CSMD2: variants seen among roughly 807,000 people sequenced by gnomAD.
CSMD2 encodes the protein CUB and sushi domain-containing protein 2.
A neutral mutation model predicts 398.5 loss-of-function variants in CSMD2; 130 were observed. The observed-to-expected ratio is 0.33, with a 90% CI of 0.28 to 0.38. The LOEUF (loss-of-function observed/expected upper bound fraction) is 0.38. Ranked by LOEUF, CSMD2 falls within the 10% of genes least tolerant of loss-of-function variation. CSMD2 has a pLI of 1.00. For missense variants in CSMD2, 3,829 were observed against 4,764.9 expected, an observed-to-expected ratio of 0.80 and a Z score of 5.78; for synonymous variants, 1,828 against 1,908.5, an observed-to-expected ratio of 0.96 and a Z score of 1.10.
chr1:33,517,463 T>C (rs1002417599), intron 70 of CSMD2, among the ~76,000 whole-genome samples: 3 of 152,240 alleles, frequency 2.0e-5, no homozygotes, highest in African/African-American at 7.2e-5. Flanking sequence ...GTTTCTTTCT[T>C]ACACTGTTCA....
At chr1:33,767,621 A>G (rs1650680264) in intron 13 of CSMD2, among the ~76,000 whole-genome samples, 1 of 152,256 alleles carries the variant, frequency 6.6e-6, no homozygotes, top group African/African-American at 2.4e-5. Context: ...CAAGATGGAT[A>G]AATAAATGAA....
chr1:33,747,064 A>G (rs1379152643), intron 13 of CSMD2, among the ~76,000 whole-genome samples: 1 of 152,232 alleles, frequency 6.6e-6, no homozygotes, highest in Non-Finnish European at 1.5e-5. Flanking sequence ...CTGCTCTTAA[A>G]TATCAAAGGC....
At chr1:33,660,466 G>A (rs1644095616) in intron 26 of CSMD2, among the ~76,000 whole-genome samples, 1 of 152,200 alleles carries the variant, frequency 6.6e-6, no homozygotes, top group African/African-American at 2.4e-5. Context: ...ATAAAGCCAA[G>A]CCTGCACTAA....
chr1:33,707,997 A>T (rs1001910312), intron 22 of CSMD2, among the ~76,000 whole-genome samples: 6 of 152,232 alleles, frequency 3.9e-5, no homozygotes, highest in African/African-American at 1.4e-4. Context: ...GAAAATGAAC[A>T]TGCTTTGTAT....
chr1:33,910,403 T>C (rs541370535), intron 5 of CSMD2, among the ~76,000 whole-genome samples: 1 of 152,306 alleles, frequency 6.6e-6, no homozygotes, highest in East Asian at 1.9e-4. Flanking sequence ...AACTCAAAAA[T>C]CATCCTGTGG....
intron 13 of CSMD2, 55 bp downstream of exon 13, chr1:33,772,490 GGGGCCCCTGGATTAGCTAGGAAAC>G: frequency 7.2e-7 from 1 of 1,385,476 alleles, no homozygotes; most frequent in Non-Finnish European, 1.0e-6. Flanking sequence ...TCCCAGGGAC[GGGGCCCCTGGATTAGCTAGGAAAC>G]GGGCCCCTGC....
intron 5 of CSMD2, chr1:33,870,468 C>T (rs1570344628): frequency 6.6e-6 from 1 of 152,186 alleles, no homozygotes; most frequent in African/African-American, 2.4e-5. Context: ...ACACAATGAA[C>T]ATTTCATTAT....
intron 25 of CSMD2, among the ~76,000 whole-genome samples, chr1:33,684,773 G>A (rs1401152982): frequency 6.6e-6 from 1 of 152,192 alleles, no homozygotes; most frequent in Non-Finnish European, 1.5e-5. Context: ...AGTGCAGCTG[G>A]AAAGGTGCTT....
intron 1 of CSMD2, among the ~76,000 whole-genome samples, chr1:34,158,850 TC>T (rs773388835): frequency 6.6e-6 from 1 of 152,208 alleles, no homozygotes; most frequent in Non-Finnish European, 1.5e-5. Context: ...CTCAGTATCT[TC>T]AAATACAATA....
At chr1:34,155,006 G>A (rs969533344) in intron 1 of CSMD2, among the ~76,000 whole-genome samples, 35 of 152,200 alleles carry the variant, frequency 2.3e-4, no homozygotes, top group Non-Finnish European at 4.7e-4. Flanking sequence ...GATTACAGGC[G>A]TGAGCCACCG....
chr1:33,874,939 TGAA>T (rs1253766409), intron 5 of CSMD2, among the ~76,000 whole-genome samples: 2 of 152,340 alleles, frequency 1.3e-5, no homozygotes, highest in East Asian at 3.9e-4. Flanking sequence ...ACATTTGTGA[TGAA>T]GAATCTGGCC....
intron 1 of CSMD2, among the ~76,000 whole-genome samples, chr1:34,122,358 C>T (rs978245751): frequency 6.6e-6 from 1 of 152,118 alleles, no homozygotes; most frequent in African/African-American, 2.4e-5. Flanking sequence ...CCCTCTCCTC[C>T]AGGCACCGAG....
intron 1 of CSMD2, among the ~76,000 whole-genome samples, chr1:34,145,876 G>A (rs1384029449): frequency 1.3e-5 from 2 of 152,142 alleles, no homozygotes; most frequent in Admixed American, 6.5e-5. Flanking sequence ...CTCGTGCCAA[G>A]AGCTGGCTGG....
At chr1:33,930,234 A>G (rs72894824) in intron 4 of CSMD2, among the ~76,000 whole-genome samples, 26,335 of 152,210 alleles carry the variant, frequency 0.17, 2,611 homozygotes, top group African/African-American at 0.27. Context: ...TGAGGACACA[A>G]TCAGCCCTGT....
chr1:33,938,613 C>A (rs548370670), intron 3 of CSMD2, among the ~76,000 whole-genome samples: 1 of 151,758 alleles, frequency 6.6e-6, no homozygotes, highest in East Asian at 2.0e-4. Context: ...TGCTGGCTTA[C>A]TTGGCATTTC....
At chr1:33,966,181 C>G (rs376959058) in intron 3 of CSMD2, among the ~76,000 whole-genome samples, 1 of 152,174 alleles carries the variant, frequency 6.6e-6, no homozygotes, top group Non-Finnish European at 1.5e-5. Flanking sequence ...AGGAGTCCAG[C>G]CTTGAGCCTC....
At chr1:33,642,759 G>GTTTCTTGTGTTTT (rs1643186074) in intron 29 of CSMD2, among the ~76,000 whole-genome samples, 1 of 152,318 alleles carries the variant, frequency 6.6e-6, no homozygotes, top group East Asian at 1.9e-4. Context: ...ATTGTTTTGA[G>GTTTCTTGTGTTTT]TGGGTTTCTG....
At position 33,515,784 on chromosome 1, in the gene CSMD2, C is replaced by T. The variant is rs1014064340; in HGVS notation, c.*840G>A. 6.6e-6 allele frequency: 1 copy of T among 152,246 alleles called. No individual in the cohort carries two copies. Among genetic ancestry groups the T allele is most frequent in the Non-Finnish European group, 1.5e-5 (1 of 68,112 alleles). The allele number at this position is 152,246 out of a possible 1,614,324, so 9.4% of individuals were successfully genotyped here. On this transcript the variant is annotated 3_prime_UTR_variant, in exon 71 of 71. Coordinates refer to ENST00000373381, the MANE Select transcript of CSMD2 (RefSeq NM_001281956.2). ...GGGCCACAGACTTGTCTTCTCTTCT[C>T]TTTGTCAGTTGACAGCCAGACTTGA...
At chr1:33,628,582 T>A (rs1035507315) in intron 32 of CSMD2, among the ~76,000 whole-genome samples, 2 of 149,340 alleles carry the variant, frequency 1.3e-5, no homozygotes, top group Non-Finnish European at 2.9e-5. Context: ...GGCAGGAGAA[T>A]CTCTTGAGCC....
Sources: allele counts gnomAD v4.1 joint callset (sites outside exome capture counted in the v4.1 genomes callset), GRCh38; gene constraint gnomAD v4.1.1; transcripts MANE v1.5; gene names NCBI Gene and HGNC (gene_info 2026-07-23, HGNC 2026-07-21).